PIP5K1A: variants seen among roughly 807,000 people sequenced by gnomAD.
The protein encoded by PIP5K1A is phosphatidylinositol 4-phosphate 5-kinase type-1 alpha.
Under a neutral mutation model 72.9 loss-of-function variants are expected in PIP5K1A, and 46 were observed. The ratio of observed to expected loss-of-function variants is 0.63; its 90% CI spans 0.50 to 0.81. The LOEUF (loss-of-function observed/expected upper bound fraction) is 0.81, where lower values mean the gene tolerates loss of function less well. PIP5K1A is among the 30% of genes least tolerant of loss of function. The pLI, the probability that PIP5K1A is intolerant of heterozygous loss-of-function variation, is 0.00. For synonymous variants in PIP5K1A, 228 were observed against 255.1 expected (o/e 0.89, Z 1.01); for missense variants, 458 against 706.1 (o/e 0.65, Z 3.98).
chr1:151,232,613 C>T lies in PIP5K1A; in HGVS notation c.549C>T (p.Phe183=). 1.9e-6 allele frequency: 3 copies of T among 1,611,352 alleles called. No homozygotes were observed. Among genetic ancestry groups the T allele is most frequent in the Middle Eastern group, 1.6e-4 (1 of 6,064 alleles). ...GCTCTGGAGCTAGTGGTTCCCTATT[C>T]TATGTGTCCAGCGACGATGAGTTCA... ...LCSSGASGSL[F]YVSSDDEFII... is the part of the protein sequence containing the mutation. The change falls in exon 7 of 16, where the codon TTC becomes TTT. Residue 183 remains phenylalanine, a synonymous_variant. Coordinates refer to ENST00000368888, the MANE Select transcript of PIP5K1A (RefSeq NM_001135638.2).
intron 14 of PIP5K1A, among the ~76,000 whole-genome samples, chr1:151,245,313 T>A (rs1381466629): frequency 2.6e-5 from 4 of 152,164 alleles, no homozygotes; most frequent in African/African-American, 9.7e-5. Flanking sequence ...GCTGCCTTAC[T>A]AGGATCTCCT....
chr1:151,202,656 A>G (rs1179988043), intron 1 of PIP5K1A, among the ~76,000 whole-genome samples: 3 of 152,028 alleles, frequency 2.0e-5, no homozygotes, highest in African/African-American at 7.2e-5. Context: ...TTTAGTAGAG[A>G]CAGGGTTTCA....
chr1:151,232,107 C>A, intron 5 of PIP5K1A, 141 bp from the exon 6 acceptor site: 1 of 695,930 alleles, frequency 1.4e-6, no homozygotes, highest in East Asian at 2.5e-5. Context: ...ACTAACTCAT[C>A]TAAGAAGGGC....
In PIP5K1A at chr1:151,198,556, T is replaced by C. The variant is rs1367412614; in HGVS notation, c.-441T>C. 5.1e-6 allele frequency: 1 copy of C among 195,964 alleles called. No individual in the cohort carries two copies. The highest frequency in any genetic ancestry group is 2.4e-5 in the African/African-American group (1 of 42,396). 12.1% of individuals were successfully genotyped at this position (195,964 alleles called of 1,614,324 possible). ...CGGGCGCATGCGCAGTGCTCGGATT[T>C]TTTGCTTGGCTACCCGGAGTGAAGC... On this transcript the variant is annotated 5_prime_UTR_variant, in exon 1 of 16. Coordinates refer to ENST00000368888, the MANE Select transcript of PIP5K1A (RefSeq NM_001135638.2).
At chr1:151,230,499 TGA>T (rs1328194751) in intron 4 of PIP5K1A, among the ~76,000 whole-genome samples, 1 of 152,162 alleles carries the variant, frequency 6.6e-6, no homozygotes, top group Non-Finnish European at 1.5e-5. Context: ...AGAAATAATT[TGA>T]GTCTTTCATG....
intron 14 of PIP5K1A, among the ~76,000 whole-genome samples, chr1:151,244,147 GAAAA>G (rs200284026): frequency 1.6e-5 from 1 of 61,076 alleles, no homozygotes; most frequent in African/African-American, 6.3e-5. Context: ...CCATCCCTTT[GAAAA>G]AAAAAAAGAA....
At chr1:151,236,816 C>CTTTTATTT in intron 9 of PIP5K1A, 53 bp downstream of exon 9, 1 of 500,228 alleles carries the variant, frequency 2.0e-6, no homozygotes, top group Non-Finnish European at 3.1e-6. Context: ...CAGCACTTTT[C>CTTTTATTT]TTTTCTTTTT....
chr1:151,199,529 C>T (rs587647732), intron 1 of PIP5K1A, among the ~76,000 whole-genome samples: 58 of 151,624 alleles, frequency 3.8e-4, no homozygotes, highest in African/African-American at 1.4e-3. Context: ...CAGGATAATC[C>T]CTTGAGCCTG....
chr1:151,237,780 CCTGT>C (rs1371723880), intron 9 of PIP5K1A, among the ~76,000 whole-genome samples: 2 of 151,910 alleles, frequency 1.3e-5, no homozygotes, highest in African/African-American at 4.8e-5. Flanking sequence ...TTTAAGGTAT[CCTGT>C]AATATGACTC....
In PIP5K1A at chr1:151,249,439, A is replaced by C. The variant is rs749415073; in HGVS notation, c.*1574A>C. ...AGCAACATTTTTATTAAGTGTTACTATTTGCCTCTACTTTGTATTGTTCAG... is the reference window on the plus strand; with the variant it reads ...AGCAACATTTTTATTAAGTGTTACTCTTTGCCTCTACTTTGTATTGTTCAG... On this transcript the variant is annotated 3_prime_UTR_variant, in exon 16 of 16. Transcript: ENST00000368888. 2 of 152,250 alleles carry C rather than the reference A, an allele frequency of 1.3e-5. No homozygotes were observed. Among genetic ancestry groups the C allele is most frequent in the East Asian group, 3.9e-4 (2 of 5,180 alleles). 9.4% of individuals were successfully genotyped at this position (152,250 alleles called of 1,614,324 possible).
At chr1:151,219,672 C>T (rs892678013) in intron 1 of PIP5K1A, among the ~76,000 whole-genome samples, 5 of 151,536 alleles carry the variant, frequency 3.3e-5, no homozygotes, top group African/African-American at 4.8e-5. Context: ...CCAGTCTGGG[C>T]GACAAGAGTG....
chr1:151,230,759 C>T (rs1256922886), intron 4 of PIP5K1A, among the ~76,000 whole-genome samples: 5 of 152,188 alleles, frequency 3.3e-5, no homozygotes, highest in African/African-American at 7.2e-5. Context: ...AGGCTGGTCT[C>T]GAACTCTTGG....
intron 1 of PIP5K1A, among the ~76,000 whole-genome samples, chr1:151,220,560 C>T (rs587727584): frequency 2.6e-5 from 4 of 152,174 alleles, no homozygotes; most frequent in East Asian, 3.9e-4. Context: ...CTCTGCTCCC[C>T]GGGTTCAACC....
intron 1 of PIP5K1A, among the ~76,000 whole-genome samples, chr1:151,202,354 C>G (rs1441910361): frequency 1.3e-5 from 2 of 152,220 alleles, no homozygotes; most frequent in Non-Finnish European, 2.9e-5. Context: ...TTCTACAGGG[C>G]CAGCCTTCTA....
chr1:151,216,274 G>A (rs1050397052), intron 1 of PIP5K1A, among the ~76,000 whole-genome samples: 1 of 151,602 alleles, frequency 6.6e-6, no homozygotes, highest in Non-Finnish European at 1.5e-5. Flanking sequence ...GCGTGAACCC[G>A]GGAGGCAGAG....
chr1:151,213,098 T>TAGCCAGGATG (rs1687079869), intron 1 of PIP5K1A, among the ~76,000 whole-genome samples: 5 of 152,112 alleles, frequency 3.3e-5, no homozygotes, highest in Admixed American at 3.3e-4. Flanking sequence ...TTCACTGTGT[T>TAGCCAGGATG]AGCCAGGATG....
chr1:151,196,234 G>A (rs1244021640), upstream of PIP5K1A, among the ~76,000 whole-genome samples: 4 of 152,044 alleles, frequency 2.6e-5, no homozygotes, highest in African/African-American at 4.8e-5. Flanking sequence ...GGAAATGGTA[G>A]CAATCCTATG....
intron 14 of PIP5K1A, among the ~76,000 whole-genome samples, chr1:151,246,146 CCGAGG>C (rs1040771228): frequency 9.9e-5 from 15 of 151,994 alleles, no homozygotes; most frequent in African/African-American, 3.6e-4. Context: ...ACTCAGGAGG[CCGAGG>C]CGAGAGAATT....
upstream of PIP5K1A, among the ~76,000 whole-genome samples, chr1:151,196,651 T>C (rs1684575806): frequency 7.0e-6 from 1 of 143,412 alleles, no homozygotes; most frequent in South Asian, 2.2e-4. Flanking sequence ...GCCTCCCAGG[T>C]TCAATCAATT....
Sources: allele counts gnomAD v4.1 joint callset (sites outside exome capture counted in the v4.1 genomes callset), GRCh38; gene constraint gnomAD v4.1.1; transcripts MANE v1.5; gene names NCBI Gene and HGNC (gene_info 2026-07-23, HGNC 2026-07-21).